The following CCSER1 variants were observed in gnomAD, a reference collection of about 807,000 sequenced individuals.
The protein encoded by CCSER1 is coiled-coil serine rich protein 1, also known as serine-rich coiled-coil domain-containing protein 1.
Under a neutral mutation model 82.0 loss-of-function variants are expected in CCSER1, and 41 were observed. That is an observed-to-expected ratio of 0.50 (90% CI 0.39 to 0.65). The LOEUF (loss-of-function observed/expected upper bound fraction) is 0.65, where lower values mean the gene tolerates loss of function less well. Among genes scored for constraint, CCSER1 ranks in the 30% least tolerant of loss-of-function variants. CCSER1 has a pLI of 0.00. For missense variants in CCSER1, 1,119 were observed against 1,064.2 expected, an observed-to-expected ratio of 1.05 and a Z score of -0.72; for synonymous variants, 414 against 383.9, an observed-to-expected ratio of 1.08 and a Z score of -0.92.
intron 10 of CCSER1, among the ~76,000 whole-genome samples, chr4:91,404,319 A>G (rs991045578): frequency 1.3e-4 from 19 of 151,670 alleles, no homozygotes; most frequent in African/African-American, 3.6e-4. Flanking sequence ...CAGTCTATCA[A>G]TTTTGTTGAT....
intron 7 of CCSER1, among the ~76,000 whole-genome samples, chr4:90,799,871 C>T (rs1198489872): frequency 2.6e-5 from 4 of 152,182 alleles, no homozygotes; most frequent in Non-Finnish European, 5.9e-5. Flanking sequence ...CGGGGCTCCT[C>T]CTGCCAGTGA....
At chr4:91,465,014 A>G (rs1332025720) in intron 10 of CCSER1, among the ~76,000 whole-genome samples, 1 of 152,214 alleles carries the variant, frequency 6.6e-6, no homozygotes, top group Non-Finnish European at 1.5e-5. Flanking sequence ...CCGAATAGAC[A>G]TCTACAGAAC....
intron 7 of CCSER1, among the ~76,000 whole-genome samples, chr4:90,740,235 A>G (rs1044083929): frequency 3.3e-5 from 5 of 152,156 alleles, no homozygotes; most frequent in Non-Finnish European, 5.9e-5. Flanking sequence ...ACAAGACTTT[A>G]TATATATGTT....
chr4:90,503,215 G>C (rs888586271), intron 5 of CCSER1, among the ~76,000 whole-genome samples: 2 of 152,008 alleles, frequency 1.3e-5, no homozygotes, highest in Non-Finnish European at 2.9e-5. Flanking sequence ...CCAGAAGAAG[G>C]CTAGAACAGT....
At chr4:91,334,499 G>A (rs1185931806) in intron 10 of CCSER1, among the ~76,000 whole-genome samples, 1 of 151,930 alleles carries the variant, frequency 6.6e-6, no homozygotes, top group Non-Finnish European at 1.5e-5. Flanking sequence ...AAAAGCAGTT[G>A]CTACCATTGT....
chr4:90,631,595 C>G (rs547739801), intron 6 of CCSER1, among the ~76,000 whole-genome samples: 1 of 152,198 alleles, frequency 6.6e-6, no homozygotes, highest in South Asian at 2.1e-4. Flanking sequence ...AGAAGGATGC[C>G]TCGACAGAGT....
intron 10 of CCSER1, among the ~76,000 whole-genome samples, chr4:91,384,101 A>G (rs1751114724): frequency 6.6e-6 from 1 of 152,138 alleles, no homozygotes; most frequent in Non-Finnish European, 1.5e-5. Flanking sequence ...CAACTACTAT[A>G]TAATGGATGT....
chr4:90,811,136 G>T (rs1213742755), intron 7 of CCSER1, among the ~76,000 whole-genome samples: 3 of 152,148 alleles, frequency 2.0e-5, no homozygotes, highest in African/African-American at 7.2e-5. Context: ...ACCGCATCCG[G>T]CAGGAGTAAT....
chr4:90,588,534 C>T (rs1782293559), intron 5 of CCSER1, among the ~76,000 whole-genome samples: 1 of 152,206 alleles, frequency 6.6e-6, no homozygotes, highest in South Asian at 2.1e-4. Flanking sequence ...TTCTACAACA[C>T]CTGCAGTTAT....
rs111695937 is a variant in CCSER1, at chr4:91,434,197, G to GT, written c.2218-164365dup. Among the ~76,000 whole-genome samples, 1,101 of 148,504 alleles carry GT rather than the reference G, an allele frequency of 7.4e-3. 11 individuals are homozygous for GT. The highest frequency in any genetic ancestry group is 0.011 in the South Asian group (52 of 4,646). ...TTTAACTGCTACAGACTTTTTGTTT[G>GT]TTTTTTTTTTGTTTATTTGTGGAAT... On this transcript the variant is annotated intron_variant, in intron 10 of 10. Coordinates refer to ENST00000509176, the MANE Select transcript of CCSER1 (RefSeq NM_001145065.2).
At position 90,534,191 on chromosome 4, in the gene CCSER1, T is replaced by G. The variant is rs190731443; in HGVS notation, c.1724+65837T>G. 7.7e-3 allele frequency among the ~76,000 whole-genome samples: 1,173 copies of G among 152,280 alleles called. 7 individuals are homozygous for G. Among genetic ancestry groups the G allele is most frequent in the Non-Finnish European group, 0.012 (794 of 67,998 alleles). On this transcript the variant is annotated intron_variant, in intron 5 of 10. Transcript: ENST00000509176. ...GTTGCCCAGGCTGGAGAGCAGTGGC[T>G]CAATCTCGGCTCACTGCAAGCTCTG...
intron 6 of CCSER1, 49 bp downstream of exon 6, chr4:90,628,281 A>G (rs1723698944): frequency 6.8e-7 from 1 of 1,468,436 alleles, no homozygotes; most frequent in Admixed American, 1.7e-5. Context: ...GTAGACAATG[A>G]AGTCTGCAGA....
At chr4:90,793,859 A>G (rs1755614946) in intron 7 of CCSER1, among the ~76,000 whole-genome samples, 1 of 152,050 alleles carries the variant, frequency 6.6e-6, no homozygotes. Flanking sequence ...AATAACACAT[A>G]CCATTCTGTG....
intron 10 of CCSER1, among the ~76,000 whole-genome samples, chr4:91,096,349 T>C (rs12508842): frequency 0.43 from 64,980 of 151,994 alleles, 14,698 homozygotes; most frequent in East Asian, 0.73. Flanking sequence ...TCTCCTGCCA[T>C]GAGTCTTCAG....
chr4:90,320,856 T>C (rs550905552), intron 3 of CCSER1, among the ~76,000 whole-genome samples: 1 of 152,274 alleles, frequency 6.6e-6, no homozygotes, highest in Admixed American at 6.5e-5. Flanking sequence ...TCTTAAATGA[T>C]TTAAAGATCG....
At chr4:90,898,129 CTACTT>C (rs1408677546) in intron 8 of CCSER1, among the ~76,000 whole-genome samples, 1 of 151,522 alleles carries the variant, frequency 6.6e-6, no homozygotes, top group Non-Finnish European at 1.5e-5. Context: ...TCCCATTTGT[CTACTT>C]TTCTTTTTGT....
At chr4:91,165,178 A>C (rs1216520019) in intron 10 of CCSER1, among the ~76,000 whole-genome samples, 3 of 152,052 alleles carry the variant, frequency 2.0e-5, no homozygotes, top group Non-Finnish European at 1.5e-5. Flanking sequence ...TTTTCCTTCT[A>C]AGAGTCAGGT....
At chr4:90,528,841 A>G (rs898489825) in intron 5 of CCSER1, among the ~76,000 whole-genome samples, 3 of 152,188 alleles carry the variant, frequency 2.0e-5, no homozygotes, top group African/African-American at 7.2e-5. Flanking sequence ...AAATTTTATT[A>G]TATGTTATCA....
rs1762787186 is a variant in CCSER1 at position 90,843,219 on chromosome 4, G to C, written c.2094+27374G>C. Among the ~76,000 whole-genome samples, 11 of 133,986 alleles carry C rather than the reference G, an allele frequency of 8.2e-5. No homozygotes were observed. The South Asian group carries it at 2.8e-3, about 34-fold the overall frequency. 87.9% of individuals were successfully genotyped at this position (133,986 alleles called of 152,430 possible). On this transcript the variant is annotated intron_variant, in intron 8 of 10. Transcript: ENST00000509176. ...TATCTACTTCATGTAATGTGGTAAG[G>C]CTTAAATGAGTCAGTGAAAAAAAAA...
Sources: allele counts gnomAD v4.1 joint callset (sites outside exome capture counted in the v4.1 genomes callset), GRCh38; gene constraint gnomAD v4.1.1; transcripts MANE v1.5; gene names NCBI Gene and HGNC (gene_info 2026-07-23, HGNC 2026-07-21).